The following WNK1 variants were observed in gnomAD, a reference collection of about 807,000 sequenced individuals.
WNK1 encodes WNK lysine deficient protein kinase 1, also known as serine/threonine-protein kinase WNK1.
In WNK1, 38 loss-of-function variants were observed where a neutral mutation model predicts 222.8. That is an observed-to-expected ratio of 0.17 (90% CI 0.13 to 0.22). The LOEUF (loss-of-function observed/expected upper bound fraction) is 0.22. Among genes scored for constraint, WNK1 ranks in the 10% least tolerant of loss-of-function variants. WNK1 has a pLI of 1.00. For missense variants in WNK1, 2,348 were observed against 2,918.4 expected, an observed-to-expected ratio of 0.80 and a Z score of 4.50; for synonymous variants, 1,090 against 1,092.9, an observed-to-expected ratio of 1.00 and a Z score of 0.05.
At chr12:792,212 A>C (rs1284324179) in intron 1 of WNK1, among the ~76,000 whole-genome samples, 2 of 152,270 alleles carry the variant, frequency 1.3e-5, no homozygotes, top group Middle Eastern at 3.4e-3. Context: ...AGGAAGAGCA[A>C]AGGTATAAAG....
chr12:789,534 C>CTTTT (rs34511181), intron 1 of WNK1, among the ~76,000 whole-genome samples: 15 of 117,746 alleles, frequency 1.3e-4, no homozygotes, highest in Admixed American at 1.8e-4. Context: ...GGTTATACTC[C>CTTTT]TTTTTTTTTT....
rs1953000770 is a variant in WNK1, at chr12:879,950, A to C, written c.2751A>C (p.Pro917=). ...PSQVHPQLLQ[P]AVQSMGIPAN... ...AGGTTCACCCACAGCTCCTACAACCAGCAGTTCAGTCCATGGGAATACCAG... is the reference window on the plus strand; with the variant it reads ...AGGTTCACCCACAGCTCCTACAACCCGCAGTTCAGTCCATGGGAATACCAG... Residue 917 remains proline (P), a synonymous_variant, in exon 11 of 28, where the codon CCA becomes CCC. Transcript: ENST00000315939. The C allele has an allele frequency of 6.2e-7, 1 of 1,614,186 alleles. No individual in the cohort carries two copies. The highest frequency in any genetic ancestry group is 8.5e-7 in the Non-Finnish European group (1 of 1,180,036).
chr12:865,074 C>G (rs1172359029), intron 8 of WNK1: 1 of 1,478,168 alleles, frequency 6.8e-7, no homozygotes, highest in African/African-American at 1.4e-5. Context: ...TTTCACAGTA[C>G]TGTGTTTTTC....
At chr12:883,274 C>A in intron 15 of WNK1, 121 bp from the exon 16 acceptor site, 1 of 1,226,784 alleles carries the variant, frequency 8.2e-7, no homozygotes, top group Non-Finnish European at 1.2e-6. Flanking sequence ...AAGAGAAGAG[C>A]TAACTTGAGT....
intron 25 of WNK1, among the ~76,000 whole-genome samples, chr12:897,885 G>A (rs1954886102): frequency 6.6e-6 from 1 of 152,122 alleles, no homozygotes; most frequent in African/African-American, 2.4e-5. Context: ...TGAATACAAT[G>A]GCTTATTCCA....
chr12:799,376 C>T (rs1018971136), intron 1 of WNK1, among the ~76,000 whole-genome samples: 6 of 151,698 alleles, frequency 4.0e-5, no homozygotes, highest in African/African-American at 1.5e-4. Context: ...AGCAATCTGG[C>T]TGCCTTGGCC....
At position 851,377 on chromosome 12, in the gene WNK1, G is replaced by T. The variant is rs551766675; in HGVS notation, c.1312-5784G>T. On this transcript the variant is annotated intron_variant, in intron 4 of 27. Transcript: ENST00000315939. ...GAGATAGAAACTGTGCGCAAAGTAG[G>T]TGGAGCATTGAGCAAGTAAAAATCC... 1.1e-5 allele frequency: 12 copies of T among 1,074,116 alleles called. No individual in the cohort carries two copies. The South Asian group carries it at 3.3e-4, about 29-fold the overall frequency. The allele number at this position is 1,074,116 out of a possible 1,614,324, so 66.5% of individuals were successfully genotyped here.
At chr12:808,873 C>T (rs1271071472) in intron 1 of WNK1, among the ~76,000 whole-genome samples, 2 of 150,612 alleles carry the variant, frequency 1.3e-5, no homozygotes, top group East Asian at 3.9e-4. Context: ...AAGCGATTCT[C>T]TGGCCTCAGC....
chr12:857,279 C>T (rs889564591), intron 5 of WNK1, 30 bp downstream of exon 5: 4 of 1,592,632 alleles, frequency 2.5e-6, no homozygotes, highest in Non-Finnish European at 3.4e-6. Flanking sequence ...CTGGGTGATA[C>T]TTGAACAAAA....
chr12:893,871 C>A (rs561829959), intron 22 of WNK1, among the ~76,000 whole-genome samples: 1 of 118,654 alleles, frequency 8.4e-6, no homozygotes. Context: ...CTATCCTATT[C>A]TAGAATTTGC....
chr12:904,488 C>T (rs1409161086), intron 26 of WNK1: 3 of 1,289,010 alleles, frequency 2.3e-6, no homozygotes, highest in East Asian at 5.5e-5. Context: ...TTGCAACCAG[C>T]TCTGTAGTAA....
At chr12:855,928 C>T (rs1232989145) in intron 4 of WNK1, among the ~76,000 whole-genome samples, 1 of 152,006 alleles carries the variant, frequency 6.6e-6, no homozygotes, top group African/African-American at 2.4e-5. Context: ...CAACCTCTGC[C>T]TCCCGGGTTC....
At chr12:804,944 TATATATA>T (rs1331924306) in intron 1 of WNK1, among the ~76,000 whole-genome samples, 3 of 52,636 alleles carry the variant, frequency 5.7e-5, no homozygotes, top group African/African-American at 1.2e-4. Flanking sequence ...AAATATTATA[TATATATA>T]ATATAAAATA....
intron 8 of WNK1, chr12:868,819 C>G: frequency 1.2e-6 from 2 of 1,614,002 alleles, no homozygotes; most frequent in East Asian, 4.5e-5. Flanking sequence ...CAGAATTGAC[C>G]GTTTCTGTGG....
intron 1 of WNK1, among the ~76,000 whole-genome samples, chr12:770,580 A>G (rs1942355621): frequency 6.6e-6 from 1 of 152,214 alleles, no homozygotes. Context: ...AAATGCTGTG[A>G]AAGTTGATGC....
At chr12:823,482 G>A (rs978586709) in intron 2 of WNK1, among the ~76,000 whole-genome samples, 1 of 152,148 alleles carries the variant, frequency 6.6e-6, no homozygotes, top group Non-Finnish European at 1.5e-5. Context: ...AGACTGTACA[G>A]TTTCACTTCC....
At chr12:854,355 C>CCTTTT (rs1555127000) in intron 4 of WNK1, among the ~76,000 whole-genome samples, 1 of 97,742 alleles carries the variant, frequency 1.0e-5, no homozygotes, top group Non-Finnish European at 1.9e-5. Context: ...TTATCATTAT[C>CCTTTT]TTTTTTTTTT....
At position 795,295 on chromosome 12, in the gene WNK1, TG is replaced by T. The variant is rs1274376336; in HGVS notation, c.760-18346del. ...TTATAGGTCTATTCAGATTTTCCGTTGTTTTTTTTTTTTTTTTCTTGAGTCA... is the reference window on the plus strand; with the variant it reads ...TTATAGGTCTATTCAGATTTTCCGTTTTTTTTTTTTTTTTTTCTTGAGTCA... On this transcript the variant is annotated intron_variant, in intron 1 of 27. Transcript: ENST00000315939. 5.5e-3 allele frequency among the ~76,000 whole-genome samples: 651 copies of T among 118,088 alleles called. 5 individuals are homozygous for T. Among genetic ancestry groups the T allele is most frequent in the South Asian group, 0.039 (142 of 3,628 alleles). The allele number at this position is 118,088 out of a possible 152,430, so 77.5% of individuals were successfully genotyped here. A position where few individuals can be genotyped will look rare whatever the true frequency, so the allele number is the denominator to read the frequency against.
At chr12:759,033 T>G (rs1352288332) in intron 1 of WNK1, among the ~76,000 whole-genome samples, 1 of 146,704 alleles carries the variant, frequency 6.8e-6, no homozygotes, top group African/African-American at 2.4e-5. Context: ...TATATGTATA[T>G]AAATATAAAT....
Sources: allele counts gnomAD v4.1 joint callset (sites outside exome capture counted in the v4.1 genomes callset), GRCh38; gene constraint gnomAD v4.1.1; transcripts MANE v1.5; gene names NCBI Gene and HGNC (gene_info 2026-07-23, HGNC 2026-07-21).